Variants in CMSS1 observed in about 807,000 individuals in gnomAD.
CMSS1 encodes protein CMSS1.
A neutral mutation model predicts 43.5 loss-of-function variants in CMSS1; 33 were observed. The observed-to-expected ratio is 0.76, with a 90% confidence interval of 0.57 to 1.01. CMSS1 has a LOEUF of 1.01. Among genes scored for constraint, CMSS1 ranks in the 50% least tolerant of loss-of-function variants. CMSS1 has a pLI of 0.00. For synonymous variants in CMSS1, 115 were observed against 117.2 expected, an observed-to-expected ratio of 0.98 and a Z score of 0.12; for missense variants, 313 against 326.4, an observed-to-expected ratio of 0.96 and a Z score of 0.32.
chr3:100,004,489 G>A (rs1709933199), intron 1 of CMSS1, among the ~76,000 whole-genome samples: 1 of 152,152 alleles, frequency 6.6e-6, no homozygotes, highest in Non-Finnish European at 1.5e-5. Context: ...CATCAGAGTG[G>A]TGGAGAAAAA....
chr3:100,099,563 T>C (rs1458894208), intron 1 of CMSS1, among the ~76,000 whole-genome samples: 4 of 152,168 alleles, frequency 2.6e-5, no homozygotes, highest in Non-Finnish European at 5.9e-5. Context: ...CATTTAACTT[T>C]TCTGAGCCTC....
chr3:100,153,551 A>G (rs983384749), intron 2 of CMSS1, among the ~76,000 whole-genome samples: 1 of 152,110 alleles, frequency 6.6e-6, no homozygotes, highest in African/African-American at 2.4e-5. Flanking sequence ...CCTTCTCACT[A>G]TGTCTTCACA....
At chr3:99,900,164 A>G (rs1245708897) in intron 1 of CMSS1, among the ~76,000 whole-genome samples, 1 of 152,172 alleles carries the variant, frequency 6.6e-6, no homozygotes, top group East Asian at 1.9e-4. Flanking sequence ...AAAATATTAT[A>G]TATAATGGTG....
At chr3:100,147,265 C>CTTTTTTTTTTTT (rs71132514) in intron 2 of CMSS1, among the ~76,000 whole-genome samples, 9 of 86,844 alleles carry the variant, frequency 1.0e-4, no homozygotes, top group African/African-American at 1.3e-4. Context: ...AATTCTTTTT[C>CTTTTTTTTTTTT]TTTTTTTTTT....
chr3:99,953,901 C>A (rs376869680), intron 1 of CMSS1, among the ~76,000 whole-genome samples: 4 of 152,356 alleles, frequency 2.6e-5, no homozygotes, highest in Non-Finnish European at 2.9e-5. Flanking sequence ...AGGCATACCT[C>A]CCACACTGAC....
intron 1 of CMSS1, among the ~76,000 whole-genome samples, chr3:100,056,876 C>T (rs576439989): frequency 3.9e-5 from 6 of 152,130 alleles, no homozygotes; most frequent in South Asian, 2.1e-4. Context: ...TGATGGCAGG[C>T]GCCTGTAGTC....
intron 1 of CMSS1, among the ~76,000 whole-genome samples, chr3:100,133,342 T>A (rs1012428078): frequency 6.6e-6 from 1 of 152,166 alleles, no homozygotes. Flanking sequence ...GCTATGTGGA[T>A]ATATACATAG....
intron 1 of CMSS1, among the ~76,000 whole-genome samples, chr3:100,072,794 G>A (rs545011972): frequency 2.0e-5 from 3 of 152,220 alleles, no homozygotes; most frequent in African/African-American, 4.8e-5. Flanking sequence ...AAAGAACAGA[G>A]GTTCTCAAAT....
chr3:100,162,659 A>C (rs1248625086), intron 4 of CMSS1, among the ~76,000 whole-genome samples: 1 of 151,994 alleles, frequency 6.6e-6, no homozygotes, highest in African/African-American at 2.4e-5. Flanking sequence ...AATAAGAATA[A>C]TAATAATAAT....
rs1706716406 is a variant in CMSS1 at position 99,909,235 on chromosome 3, G to C, written c.64+91192G>C. Among the ~76,000 whole-genome samples, 3 of 152,156 alleles carry C rather than the reference G, an allele frequency of 2.0e-5. 1 individual carries two copies. The highest frequency in any genetic ancestry group is 2.0e-4 in the Admixed American group (3 of 15,278). On this transcript the variant is annotated intron_variant, in intron 1 of 9. Transcript: ENST00000421999. The stretch of plus-strand genomic sequence containing the variant: ...CCTCTTCTCATAAAATTAATTTTCT[G>C]TCTGATCCAATACCAAACAGAAAAT...
At chr3:100,095,430 A>T (rs1450277167) in intron 1 of CMSS1, among the ~76,000 whole-genome samples, 3 of 152,196 alleles carry the variant, frequency 2.0e-5, no homozygotes, top group Non-Finnish European at 4.4e-5. Context: ...AAAACTATTT[A>T]AAAAACAATT....
chr3:100,120,637 C>T (rs924778585), intron 1 of CMSS1, among the ~76,000 whole-genome samples: 8 of 152,040 alleles, frequency 5.3e-5, no homozygotes, highest in Non-Finnish European at 7.4e-5. Flanking sequence ...CTGTCTCTGT[C>T]GCTCAGGAAC....
At chr3:100,058,684 C>T (rs2065507667) in intron 1 of CMSS1, among the ~76,000 whole-genome samples, 1 of 152,184 alleles carries the variant, frequency 6.6e-6, no homozygotes, top group African/African-American at 2.4e-5. Flanking sequence ...CCCTCAAACC[C>T]AGAAGCATCA....
intron 8 of CMSS1, among the ~76,000 whole-genome samples, chr3:100,172,926 T>C (rs2067122025): frequency 6.6e-6 from 1 of 152,254 alleles, no homozygotes; most frequent in African/African-American, 2.4e-5. Context: ...TCAAAGCCAG[T>C]AGCCTAAGAA....
chr3:100,113,553 G>A (rs1276390727), intron 1 of CMSS1, among the ~76,000 whole-genome samples: 2 of 152,156 alleles, frequency 1.3e-5, no homozygotes, highest in Admixed American at 1.3e-4. Flanking sequence ...GTTGCCATTT[G>A]AAAATGTTAG....
intron 1 of CMSS1, among the ~76,000 whole-genome samples, chr3:99,889,251 G>C (rs1706007574): frequency 6.6e-6 from 1 of 151,952 alleles, no homozygotes; most frequent in African/African-American, 2.4e-5. Flanking sequence ...TGTGTTTCTG[G>C]CAATTCTTGC....
In CMSS1 at chr3:99,971,101, G is replaced by C. The variant is rs556476517; in HGVS notation, c.64+153058G>C. Among the ~76,000 whole-genome samples the C allele has an allele frequency of 2.0e-5, 3 of 152,314 alleles. No homozygotes were observed. The South Asian group carries it at 6.2e-4, about 32-fold the overall frequency. ...GCCTGTAATCCCAGCACTTTGGGAG[G>C]CCAAGGCGGGCGGATCACTAGGTCA... On this transcript the variant is annotated intron_variant, in intron 1 of 9. Coordinates refer to ENST00000421999, the MANE Select transcript of CMSS1 (RefSeq NM_032359.4).
At chr3:100,048,255 G>C (rs1238556578) in intron 1 of CMSS1, among the ~76,000 whole-genome samples, 6 of 152,232 alleles carry the variant, frequency 3.9e-5, no homozygotes, top group Admixed American at 3.9e-4. Context: ...ACTAGCAATA[G>C]ACTTAAAGTT....
At chr3:99,826,998 G>A (rs538198159) in intron 1 of CMSS1, among the ~76,000 whole-genome samples, 1 of 151,980 alleles carries the variant, frequency 6.6e-6, no homozygotes, top group Non-Finnish European at 1.5e-5. Flanking sequence ...ACACTTCTGC[G>A]GAAACAACAT....
Sources: allele counts gnomAD v4.1 joint callset (sites outside exome capture counted in the v4.1 genomes callset), GRCh38; gene constraint gnomAD v4.1.1; transcripts MANE v1.5; gene names NCBI Gene and HGNC (gene_info 2026-07-23, HGNC 2026-07-21).